Variants in FBP1 observed in about 807,000 individuals in gnomAD.
FBP1 encodes the protein fructose-bisphosphatase 1.
In FBP1, 22 loss-of-function variants were observed where a neutral mutation model predicts 29.9. That is an observed-to-expected ratio of 0.74 (90% CI 0.53 to 1.05). FBP1 has a LOEUF of 1.05. Among genes scored for constraint, FBP1 ranks in the 50% least tolerant of loss-of-function variants. The probability of loss-of-function intolerance (pLI) is 0.00; values close to 1 mark genes in which losing one functional copy is unlikely to be tolerated. For missense variants in FBP1, 345 were observed against 448.2 expected (o/e 0.77, Z 2.08); for synonymous variants, 175 against 178.6 (o/e 0.98, Z 0.16).
At chr9:94,623,483 A>T (rs1242887371) in intron 1 of FBP1, among the ~76,000 whole-genome samples, 2 of 152,214 alleles carry the variant, frequency 1.3e-5, no homozygotes, top group African/African-American at 4.8e-5. Context: ...ATGAGATGAC[A>T]TACACAAAAG....
chr9:94,603,472 G>T lies in FBP1; in HGVS notation c.926C>A (p.Thr309Lys). The change falls in exon 7 of 7, where the codon ACA (threonine) becomes AAA (lysine). Residue 309 changes from threonine to lysine, a missense_variant. Coordinates refer to ENST00000375326, the MANE Select transcript of FBP1 (RefSeq NM_000507.4). ...GKEAVLDVIP[T>K]DIHQRAPVIL... ...CACCGGCGCCCTCTGGTGAATGTCT[G>T]TGGGAATGACGTCTAACACGGCCTC... 1.2e-6 allele frequency: 2 copies of T among 1,614,090 alleles called. No homozygotes were observed. The highest frequency in any genetic ancestry group is 3.3e-5 in the Admixed American group (2 of 60,022).
In FBP1 at chr9:94,603,402, A is replaced by G. The variant is rs1827639621; in HGVS notation, c.996T>C (p.Tyr332=). 4 of 1,613,816 alleles carry G rather than the reference A, an allele frequency of 2.5e-6. No individual in the cohort carries two copies. The highest frequency in any genetic ancestry group is 3.4e-6 in the Non-Finnish European group (4 of 1,179,942). The change falls in exon 7 of 7, where the codon TAT becomes TAC. Residue 332 remains tyrosine, a synonymous_variant. Transcript: ENST00000375326. ...PDDVLEFLKV[Y]EKHSAQ ...GTGCTCACTGGGCAGAGTGCTTCTC[A>G]TACACCTTCAGGAACTCGAGCACGT...
chr9:94,639,455 G>A lies in FBP1; in HGVS notation c.-145C>T. On this transcript the variant is annotated 5_prime_UTR_variant, in exon 1 of 7. Coordinates refer to ENST00000375326, the MANE Select transcript of FBP1 (RefSeq NM_000507.4). ...GCAGGTGCGGGCCGCGGGACCTGGCGGGAGGACTGACAGACCGACTGCCGC... is the reference window on the plus strand; with the variant it reads ...GCAGGTGCGGGCCGCGGGACCTGGCAGGAGGACTGACAGACCGACTGCCGC... 1 of 925,528 alleles carries A rather than the reference G, an allele frequency of 1.1e-6. No individual in the cohort carries two copies. Among genetic ancestry groups the A allele is most frequent in the Non-Finnish European group, 1.7e-6 (1 of 592,476 alleles). The allele number at this position is 925,528 out of a possible 1,614,324, so 57.3% of individuals were successfully genotyped here.
chr9:94,608,588 G>A (rs957972499), intron 4 of FBP1, among the ~76,000 whole-genome samples: 3 of 152,118 alleles, frequency 2.0e-5, no homozygotes, highest in Non-Finnish European at 2.9e-5. Context: ...ACTTTGCTCT[G>A]GTTCTGCCAC....
chr9:94,624,354 A>C (rs1827992657), intron 1 of FBP1, among the ~76,000 whole-genome samples: 1 of 141,410 alleles, frequency 7.1e-6, no homozygotes, highest in South Asian at 2.3e-4. Flanking sequence ...AAAAAAAAAA[A>C]AGAACAGGAG....
At chr9:94,624,609 C>T (rs528003891) in intron 1 of FBP1, among the ~76,000 whole-genome samples, 1 of 152,096 alleles carries the variant, frequency 6.6e-6, no homozygotes, top group African/African-American at 2.4e-5. Context: ...GCCGAGATCG[C>T]ACCATTGCAC....
At chr9:94,624,661 TA>T (rs917166569) in intron 1 of FBP1, among the ~76,000 whole-genome samples, 2 of 149,456 alleles carry the variant, frequency 1.3e-5, no homozygotes, top group African/African-American at 2.5e-5. Flanking sequence ...CTCAAAAAAA[TA>T]AAAAAAAGAA....
rs1346896163 is a variant in FBP1, at chr9:94,623,821, T to C, written c.171-3330A>G. ...GAACACGGTAGATCAGATCCCGCCC[T>C]TGTGGAGCGTATATTCTACTGGGGT... On this transcript the variant is annotated intron_variant, in intron 1 of 6. Transcript: ENST00000375326. Among the ~76,000 whole-genome samples the C allele has an allele frequency of 2.0e-5, 3 of 152,310 alleles. No homozygotes were observed. The East Asian group carries it at 5.8e-4, about 29-fold the overall frequency.
chr9:94,636,908 C>CA (rs1828199050), intron 1 of FBP1, among the ~76,000 whole-genome samples: 1 of 151,966 alleles, frequency 6.6e-6, no homozygotes, highest in South Asian at 2.1e-4. Context: ...AGGCTGGTCT[C>CA]AAACACCTGG....
intron 3 of FBP1, among the ~76,000 whole-genome samples, chr9:94,616,273 C>G (rs1329481929): frequency 6.6e-6 from 1 of 151,844 alleles, no homozygotes; most frequent in Non-Finnish European, 1.5e-5. Context: ...ACTTTGGAGA[C>G]TTAGAAGGGG....
At chr9:94,612,298 C>T (rs187580507) in intron 3 of FBP1, among the ~76,000 whole-genome samples, 16 of 152,316 alleles carry the variant, frequency 1.1e-4, no homozygotes, top group African/African-American at 3.1e-4. Context: ...AACCAGTTCT[C>T]TGCCAATAAA....
rs10993261 is a variant in FBP1, at chr9:94,613,251, C to T, written c.427-3190G>A. ...CTAGAGAGAAGTCTCAGATCCCTCT[C>T]CTGTGAAAGATGTTCAGCTTAAAGG... On this transcript the variant is annotated intron_variant, in intron 3 of 6. Coordinates refer to ENST00000375326, the MANE Select transcript of FBP1 (RefSeq NM_000507.4). Among the ~76,000 whole-genome samples, 196 of 152,238 alleles carry T rather than the reference C, an allele frequency of 1.3e-3. 1 individual carries two copies. Among genetic ancestry groups the T allele is most frequent in the Non-Finnish European group, 2.4e-3 (165 of 68,020 alleles).
At chr9:94,629,642 T>C (rs147833359) in intron 1 of FBP1, among the ~76,000 whole-genome samples, 32 of 152,052 alleles carry the variant, frequency 2.1e-4, no homozygotes, top group African/African-American at 7.7e-4. Context: ...TAACCCCCAC[T>C]CCTGGGGAGG....
intron 1 of FBP1, among the ~76,000 whole-genome samples, chr9:94,621,175 C>T (rs1827941880): frequency 7.1e-6 from 1 of 140,878 alleles, no homozygotes; most frequent in African/African-American, 2.7e-5. Flanking sequence ...GATCGTGCCA[C>T]TGCATGCCAG....
intron 3 of FBP1, among the ~76,000 whole-genome samples, chr9:94,612,235 G>A (rs1320003640): frequency 6.6e-6 from 1 of 152,160 alleles, no homozygotes; most frequent in East Asian, 1.9e-4. Context: ...CAGGTACACA[G>A]TGGGTGGACT....
chr9:94,639,639 T>C, upstream of FBP1: 1 of 453,530 alleles, frequency 2.2e-6, no homozygotes, highest in Non-Finnish European at 4.0e-6. Context: ...TGCTTGGATC[T>C]TCAGACAAGG....
chr9:94,619,163 C>T lies in FBP1; in HGVS notation c.333+1166G>A, dbSNP rs28369702. Among the ~76,000 whole-genome samples the T allele has an allele frequency of 2.6e-3, 393 of 152,220 alleles. 2 individuals are homozygous for T. Among genetic ancestry groups the T allele is most frequent in the African/African-American group, 5.2e-3 (217 of 41,518 alleles). ...TATTAAACAACAAATCTAAGCCATA[C>T]GCCTAAAGCTGCCAAAGACCTTGAA... On this transcript the variant is annotated intron_variant, in intron 2 of 6. Transcript: ENST00000375326.
intron 2 of FBP1, among the ~76,000 whole-genome samples, chr9:94,618,363 C>T (rs569997235): frequency 6.8e-6 from 1 of 147,290 alleles, no homozygotes; most frequent in Middle Eastern, 3.5e-3. Flanking sequence ...TGGCTCATGC[C>T]TAATCCTAGC....
At chr9:94,639,625 C>T, upstream of FBP1, 6 of 479,912 alleles carry the variant, frequency 1.3e-5, no homozygotes, top group Non-Finnish European at 2.3e-5. Flanking sequence ...ACCGCGGCTC[C>T]GCCTGCTTGG....
Sources: allele counts gnomAD v4.1 joint callset (sites outside exome capture counted in the v4.1 genomes callset), GRCh38; gene constraint gnomAD v4.1.1; transcripts MANE v1.5; gene names NCBI Gene and HGNC (gene_info 2026-07-23, HGNC 2026-07-21).